EFR3B: variants seen among roughly 807,000 people sequenced by gnomAD.
EFR3B encodes the protein protein EFR3 homolog B.
Under a neutral mutation model 104.7 loss-of-function variants are expected in EFR3B, and 64 were observed. The observed-to-expected ratio is 0.61, with a 90% CI of 0.50 to 0.75. EFR3B has a LOEUF of 0.75. Ranked by LOEUF, EFR3B falls within the 30% of genes least tolerant of loss-of-function variation. EFR3B has a pLI of 0.00. For missense variants in EFR3B, 750 were observed against 1,078.5 expected, an observed-to-expected ratio of 0.70 and a Z score of 4.27; for synonymous variants, 385 against 417.9, an observed-to-expected ratio of 0.92 and a Z score of 0.96.
intron 19 of EFR3B, chr2:25,147,015 G>A (rs571467677): frequency 2.1e-3 from 317 of 152,516 alleles, no homozygotes; most frequent in Middle Eastern, 6.8e-3. Flanking sequence ...TCTCTCCCAC[G>A]CTGCGCTCCG....
At chr2:25,121,603 G>C in intron 4 of EFR3B, 70 bp from the exon 5 acceptor site, 3 of 1,537,884 alleles carry the variant, frequency 2.0e-6, no homozygotes, top group Non-Finnish European at 2.6e-6. Context: ...CAGGGGGTCT[G>C]GGGATGCCCA....
Position 25,060,191 on chromosome 2 carries a change from G to A in EFR3B, c.7+17872G>A, listed in dbSNP as rs563241244. 1.3e-4 allele frequency among the ~76,000 whole-genome samples: 20 copies of A among 152,018 alleles called. No individual in the cohort carries two copies. In the South Asian group the frequency reaches 3.3e-3, roughly 25 times the overall value. ...AGCCTGGGTGACAGAGCGAGACTCC[G>A]TCTCAAAAAAAAAGAAAAGGCTAAA... On this transcript the variant is annotated intron_variant, in intron 1 of 22. Coordinates refer to ENST00000403714, the MANE Select transcript of EFR3B (RefSeq NM_014971.2).
intron 16 of EFR3B, 86 bp downstream of exon 16, chr2:25,139,276 T>C (rs1430557170): frequency 7.0e-7 from 1 of 1,423,202 alleles, no homozygotes; most frequent in Non-Finnish European, 9.3e-7. Flanking sequence ...ATTAGTCCTG[T>C]ACCTACACTT....
rs1670661186 is a variant in EFR3B, at chr2:25,141,354, C to T, written c.1855-12C>T. ...CTGAACCAGCTCTTATCTGATTCCT[C>T]CCAACCGCCAGGTGATAGAGACCAG... On this transcript the variant is annotated splice_polypyrimidine_tract_variant and intron_variant, in intron 16 of 22. Transcript: ENST00000403714. 2 of 1,550,948 alleles carry T rather than the reference C, an allele frequency of 1.3e-6. No individual in the cohort carries two copies. The highest frequency in any genetic ancestry group is 1.7e-6 in the Non-Finnish European group (2 of 1,146,672).
At chr2:25,151,248 T>G (rs1476278325) in intron 20 of EFR3B, among the ~76,000 whole-genome samples, 1 of 151,844 alleles carries the variant, frequency 6.6e-6, no homozygotes, top group Middle Eastern at 3.2e-3. Flanking sequence ...ATTGTCAATG[T>G]CCCTCTTCTT....
At chr2:25,153,538 G>C (rs78347469) in intron 21 of EFR3B, among the ~76,000 whole-genome samples, 174 bp from the exon 22 acceptor site, 1 of 151,910 alleles carries the variant, frequency 6.6e-6, no homozygotes, top group Non-Finnish European at 1.5e-5. Context: ...TCCCTGATCC[G>C]AATCTGCAGT....
intron 20 of EFR3B, among the ~76,000 whole-genome samples, chr2:25,150,416 A>C (rs563057068): frequency 6.6e-6 from 1 of 152,148 alleles, no homozygotes; most frequent in Non-Finnish European, 1.5e-5. Context: ...GGCCAATGGA[A>C]GATATTAATA....
At chr2:25,065,058 C>T (rs1668294819) in intron 1 of EFR3B, among the ~76,000 whole-genome samples, 2 of 151,184 alleles carry the variant, frequency 1.3e-5, no homozygotes, top group South Asian at 2.1e-4. Flanking sequence ...CAGCCTGCAT[C>T]CCTCAATTGT....
rs1670023272 is a variant in EFR3B at position 25,121,788 on chromosome 2, A to C, written c.479A>C (p.Lys160Thr). The change falls in exon 5 of 23, where the codon AAG becomes ACG. Residue 160 changes from lysine (K) to threonine (T), a missense_variant. By Grantham distance (78) the Lys-to-Thr change is moderately conservative. Transcript: ENST00000403714. Reference sequence around the variant, plus strand: ...TCGAGCCATGATGACTTAGAAATCAAGACCAAGTGAGTAGGGGAAGGCAAG... The same window carrying C: ...TCGAGCCATGATGACTTAGAAATCACGACCAAGTGAGTAGGGGAAGGCAAG... ...CHSSHDDLEI[K>T]TKIRMSGIKG... 6.4e-7 allele frequency: 1 copy of C among 1,551,848 alleles called. No individual in the cohort carries two copies. Among genetic ancestry groups the C allele is most frequent in the East Asian group, 2.4e-5 (1 of 40,930 alleles).
intron 1 of EFR3B, among the ~76,000 whole-genome samples, chr2:25,049,952 TAAA>T (rs59279308): frequency 3.8e-5 from 4 of 104,856 alleles, no homozygotes; most frequent in Non-Finnish European, 3.9e-5. Context: ...ACATTTCTAC[TAAA>T]AAAAAAAAAA....
chr2:25,051,215 G>A (rs1667858755), intron 1 of EFR3B, among the ~76,000 whole-genome samples: 1 of 152,072 alleles, frequency 6.6e-6, no homozygotes, highest in African/African-American at 2.4e-5. Context: ...GGGTTCAAGC[G>A]ATTCTCATGC....
chr2:25,125,697 C>T (rs536313784), intron 5 of EFR3B, among the ~76,000 whole-genome samples: 1 of 152,318 alleles, frequency 6.6e-6, no homozygotes, highest in African/African-American at 2.4e-5. Context: ...GCCTGTAATC[C>T]CAGCACTTTG....
At chr2:25,120,420 C>T (rs914345865) in intron 4 of EFR3B, among the ~76,000 whole-genome samples, 2 of 151,962 alleles carry the variant, frequency 1.3e-5, no homozygotes, top group South Asian at 2.1e-4. Context: ...CTGAGGCGGG[C>T]GGATCACAAG....
intron 4 of EFR3B, among the ~76,000 whole-genome samples, chr2:25,120,460 A>G (rs1669981776): frequency 2.0e-5 from 3 of 152,116 alleles, no homozygotes; most frequent in Non-Finnish European, 4.4e-5. Context: ...CCTGGCCAAC[A>G]TGGTGAAACC....
rs921659786 is a variant in EFR3B, at chr2:25,042,696, C to G, written c.7+377C>G. The G allele has an allele frequency of 4.2e-5, 42 of 1,004,576 alleles. No homozygotes were observed. Among genetic ancestry groups the G allele is most frequent in the Admixed American group, 6.0e-5 (1 of 16,776 alleles). The allele number at this position is 1,004,576 out of a possible 1,614,324, so 62.2% of individuals were successfully genotyped here. On this transcript the variant is annotated intron_variant, in intron 1 of 22. Transcript: ENST00000403714. The surrounding 1 kb of genome is among the most constrained non-coding windows in gnomAD (Gnocchi z 5.4). ...GTGCCTGGGAGTTTTCTGTGGGAAGCCGGTCCAGGGCTGAGGGAGACGCCC... is the reference window on the plus strand; with the variant it reads ...GTGCCTGGGAGTTTTCTGTGGGAAGGCGGTCCAGGGCTGAGGGAGACGCCC...
chr2:25,137,232 G>T lies in EFR3B; in HGVS notation c.1561-109G>T. 1 of 1,288,510 alleles carries T rather than the reference G, an allele frequency of 7.8e-7. No individual in the cohort carries two copies. The allele number at this position is 1,288,510 out of a possible 1,614,324, so 79.8% of individuals were successfully genotyped here. On this transcript the variant is annotated intron_variant, in intron 14 of 22. Transcript: ENST00000403714. The surrounding 1 kb of genome is among the most constrained non-coding windows in gnomAD (Gnocchi z 4.7). ...GGCATCCCCTCCCCAAGGGAGGAGG[G>T]GGCACACAGCCATCCTGCCCCCCTT...
At chr2:25,102,756 T>G (rs1344816601) in intron 3 of EFR3B, among the ~76,000 whole-genome samples, 2 of 152,214 alleles carry the variant, frequency 1.3e-5, no homozygotes, top group Admixed American at 1.3e-4. Flanking sequence ...TATTCCTAGT[T>G]TCCGAAGTTG....
At chr2:25,060,158 T>C (rs553208464) in intron 1 of EFR3B, among the ~76,000 whole-genome samples, 4 of 152,246 alleles carry the variant, frequency 2.6e-5, no homozygotes, top group South Asian at 2.1e-4. Context: ...ATCACGCCAT[T>C]GCACTCCAGC....
At chr2:25,120,663 C>T (rs1669988254) in intron 4 of EFR3B, among the ~76,000 whole-genome samples, 1 of 151,970 alleles carries the variant, frequency 6.6e-6, no homozygotes, top group Non-Finnish European at 1.5e-5. Flanking sequence ...ACAACAACAA[C>T]AGCAACAAAA....
Sources: allele counts gnomAD v4.1 joint callset (sites outside exome capture counted in the v4.1 genomes callset), GRCh38; gene constraint gnomAD v4.1.1; non-coding constraint Gnocchi (gnomAD v3.1); transcripts MANE v1.5; gene names NCBI Gene and HGNC (gene_info 2026-07-23, HGNC 2026-07-21).